The following GGTA1 variants were observed in gnomAD, a reference collection of about 807,000 sequenced individuals.
GGTA1 encodes the protein inactive N-acetyllactosaminide alpha-1,3-galactosyltransferase.
In GGTA1, 5 loss-of-function variants were observed where a neutral mutation model predicts 2.6. The observed-to-expected ratio is 1.92, with a 90% CI of 1.00 to 4.04. GGTA1 has a LOEUF of 4.04. GGTA1 is among the 30% of genes most tolerant of loss of function. The pLI is 0.00. For synonymous variants in GGTA1, 17 were observed against 5.0 expected, an observed-to-expected ratio of 3.38 and a Z score of -3.19; for missense variants, 50 against 16.7, an observed-to-expected ratio of 2.99 and a Z score of -3.47.
intron 1 of GGTA1, among the ~76,000 whole-genome samples, chr9:121,491,598 G>GT (rs371689583): frequency 0.013 from 1,855 of 147,216 alleles, 17 homozygotes; most frequent in African/African-American, 0.027. Context: ...TGTGCAATTA[G>GT]TTTTTTTTTT....
downstream of GGTA1, among the ~76,000 whole-genome samples, chr9:121,453,371 C>T (rs1460074012): frequency 2.6e-5 from 4 of 152,204 alleles, no homozygotes; most frequent in Non-Finnish European, 5.9e-5. Flanking sequence ...CAAAGCAAAA[C>T]AGGAAGCTAT....
intron 1 of GGTA1, among the ~76,000 whole-genome samples, chr9:121,474,926 C>T (rs1458259348): frequency 6.6e-6 from 1 of 151,836 alleles, no homozygotes; most frequent in Non-Finnish European, 1.5e-5. Context: ...CACTTTCAGG[C>T]TATTGTGATG....
At position 121,476,211 on chromosome 9, in the gene GGTA1, C is replaced by T. The variant is rs1030052222; in HGVS notation, c.-9-8280G>A. ...CAGAACAGTCAGGAGCGAGTCCACA[C>T]GCCAACTGCATGTTGTGATAAAGTC... is the stretch of plus-strand genomic sequence containing the variant. On this transcript the variant is annotated intron_variant, in intron 1 of 5. Coordinates refer to ENST00000481799, the MANE Select transcript of GGTA1 (RefSeq NM_001382585.1). The surrounding 1 kb of genome is among the most constrained non-coding windows in gnomAD (Gnocchi z 4.6). Among the ~76,000 whole-genome samples, 11 of 152,174 alleles carry T rather than the reference C, an allele frequency of 7.2e-5. No homozygotes were observed. In the South Asian group the frequency reaches 8.3e-4, roughly 11 times the overall value.
At chr9:121,485,966 C>T (rs1828746961) in intron 1 of GGTA1, among the ~76,000 whole-genome samples, 1 of 152,190 alleles carries the variant, frequency 6.6e-6, no homozygotes, top group Non-Finnish European at 1.5e-5. Context: ...ATTTGTGATT[C>T]CTGCGCACAC....
At chr9:121,475,544 T>C (rs1412117342) in intron 1 of GGTA1, among the ~76,000 whole-genome samples, 6 of 152,056 alleles carry the variant, frequency 3.9e-5, no homozygotes, top group Non-Finnish European at 8.8e-5. Flanking sequence ...GTGTTTGGGG[T>C]GAACAAATGA....
chr9:121,457,490 G>A (rs1303094839), intron 5 of GGTA1, among the ~76,000 whole-genome samples: 1 of 152,028 alleles, frequency 6.6e-6, no homozygotes, highest in African/African-American at 2.4e-5. Context: ...CACCAGGTCA[G>A]GAGATTGAGA....
At chr9:121,490,527 A>C in intron 1 of GGTA1, among the ~76,000 whole-genome samples, 2 of 151,534 alleles carry the variant, frequency 1.3e-5, no homozygotes, top group African/African-American at 2.4e-5. Flanking sequence ...GCAACCCCTC[A>C]CTCACCACCA....
intron 3 of GGTA1, among the ~76,000 whole-genome samples, chr9:121,462,285 A>G (rs2064966515): frequency 6.6e-6 from 1 of 152,144 alleles, no homozygotes; most frequent in African/African-American, 2.4e-5. Context: ...AGATGGCACC[A>G]CTGCACTCCA....
intron 1 of GGTA1, among the ~76,000 whole-genome samples, chr9:121,480,876 G>A (rs888188641): frequency 2.0e-5 from 3 of 152,250 alleles, no homozygotes; most frequent in Admixed American, 6.5e-5. Context: ...ATAGTTGGCC[G>A]GGTGCAGTGG....
At chr9:121,448,927 A>G (rs759179850) in intron 7 of GGTA1, among the ~76,000 whole-genome samples, 9 of 152,262 alleles carry the variant, frequency 5.9e-5, no homozygotes, top group Non-Finnish European at 1.2e-4. Context: ...AGTATCATAC[A>G]AAATAGCATC....
At chr9:121,480,447 C>T (rs1828618747) in intron 1 of GGTA1, among the ~76,000 whole-genome samples, 1 of 152,184 alleles carries the variant, frequency 6.6e-6, no homozygotes, top group African/African-American at 2.4e-5. Context: ...AAACAGAGCA[C>T]ACGGAGTCCT....
chr9:121,469,854 G>T (rs1204109540), intron 1 of GGTA1, among the ~76,000 whole-genome samples: 2 of 152,134 alleles, frequency 1.3e-5, no homozygotes, highest in African/African-American at 2.4e-5. Flanking sequence ...TCCCATCAGG[G>T]CCAGGTACGG....
chr9:121,480,807 G>T (rs941460128), intron 1 of GGTA1, among the ~76,000 whole-genome samples: 2 of 152,162 alleles, frequency 1.3e-5, no homozygotes, highest in Non-Finnish European at 2.9e-5. Context: ...TCTGCTCCCA[G>T]TTCCACACCC....
At chr9:121,496,770 T>C (rs184743074) in intron 1 of GGTA1, among the ~76,000 whole-genome samples, 1 of 95,994 alleles carries the variant, frequency 1.0e-5, no homozygotes. Flanking sequence ...AGAGAGAGAA[T>C]CGCTTGAATG....
chr9:121,474,695 C>T (rs1828466963), intron 1 of GGTA1, among the ~76,000 whole-genome samples: 1 of 152,222 alleles, frequency 6.6e-6, no homozygotes, highest in Non-Finnish European at 1.5e-5. Flanking sequence ...CAGATCCTAT[C>T]TTCTCCATCT....
At chr9:121,479,055 G>T in intron 1 of GGTA1, 1 of 456,420 alleles carries the variant, frequency 2.2e-6, no homozygotes, top group Non-Finnish European at 4.4e-6. Flanking sequence ...GCAAAATAAA[G>T]CTGAACTTAC....
intron 5 of GGTA1, among the ~76,000 whole-genome samples, chr9:121,456,807 G>A (rs977365587): frequency 3.0e-4 from 45 of 152,152 alleles, no homozygotes; most frequent in African/African-American, 1.0e-3. Context: ...GAGTAGCTGG[G>A]ACTACAGACA....
chr9:121,498,795 G>C lies in GGTA1; in HGVS notation c.-10+855C>G, dbSNP rs1345030287. Among the ~76,000 whole-genome samples, 10 of 152,166 alleles carry C rather than the reference G, an allele frequency of 6.6e-5. No individual in the cohort carries two copies. The South Asian group carries it at 1.9e-3, about 29-fold the overall frequency. The stretch of plus-strand genomic sequence containing the variant: ...GCTCTCACACCCTCCGCGCCTCCCA[G>C]TCCCTCCCGGCCGCCACAGCGGGAA... On this transcript the variant is annotated intron_variant, in intron 1 of 5. Transcript: ENST00000481799.
chr9:121,451,575 T>C (rs150452192), downstream of GGTA1, among the ~76,000 whole-genome samples: 90 of 152,246 alleles, frequency 5.9e-4, no homozygotes, highest in Middle Eastern at 3.4e-3. Context: ...TATCCAACCT[T>C]TGGAAGAGCA....
Sources: allele counts gnomAD v4.1 joint callset (sites outside exome capture counted in the v4.1 genomes callset), GRCh38; gene constraint gnomAD v4.1.1; non-coding constraint Gnocchi (gnomAD v3.1); transcripts MANE v1.5; gene names NCBI Gene and HGNC (gene_info 2026-07-23, HGNC 2026-07-21).